Variants in ALG9 observed in about 807,000 individuals in gnomAD.
The protein encoded by ALG9 is ALG9 alpha-1,2-mannosyltransferase, also known as alpha-1,2-mannosyltransferase ALG9.
In ALG9, 55 loss-of-function variants were observed where a neutral mutation model predicts 81.8. The ratio of observed to expected loss-of-function variants is 0.67; its 90% confidence interval spans 0.54 to 0.84. ALG9 has a LOEUF of 0.84. ALG9 is among the 40% of genes least tolerant of loss of function. ALG9 has a pLI of 0.00. For missense variants in ALG9, 629 were observed against 745.0 expected (o/e 0.84, Z 1.81); for synonymous variants, 278 against 274.3 (o/e 1.01, Z -0.13).
chr11:111,824,329 A>C (rs1555106529), intron 13 of ALG9, among the ~76,000 whole-genome samples: 1 of 152,212 alleles, frequency 6.6e-6, no homozygotes, highest in Non-Finnish European at 1.5e-5. Flanking sequence ...AATTTTAGAG[A>C]ATTTCTACTT....
chr11:111,865,149 A>G, intron 4 of ALG9, 32 bp downstream of exon 4: 1 of 1,491,996 alleles, frequency 6.7e-7, no homozygotes, highest in Non-Finnish European at 9.0e-7. Flanking sequence ...GTTTCCTCAC[A>G]GCACTTTTAG....
At chr11:111,771,202 AG>A in the ALG9 span, 3 of 152,156 alleles carry the variant, frequency 2.0e-5, no homozygotes, top group Admixed American at 1.3e-4. Flanking sequence ...GAGGCCGAGG[AG>A]GGTGGATCAC....
Position 111,803,899 on chromosome 11 carries a change from G to T in ALG9, c.1733+5744C>A, listed in dbSNP as rs112348090. Among the ~76,000 whole-genome samples the T allele has an allele frequency of 1.1e-4, 17 of 152,156 alleles. No homozygotes were observed. The South Asian group carries it at 3.5e-3, about 32-fold the overall frequency. On this transcript the variant is annotated intron_variant, in intron 14 of 14. Transcript: ENST00000616540. ...TGTAATCTCAGCACTTTGGGAGAGC[G>T]AGTCGGGTGGATCACTTGCGGTCAG...
intron 8 of ALG9, among the ~76,000 whole-genome samples, chr11:111,852,505 C>T (rs1957985088): frequency 1.3e-5 from 2 of 152,190 alleles, no homozygotes. Context: ...AACTTCCCCA[C>T]CCTCCCATGC....
chr11:111,822,687 T>C (rs912170096), intron 13 of ALG9, among the ~76,000 whole-genome samples: 1 of 151,834 alleles, frequency 6.6e-6, no homozygotes, highest in Non-Finnish European at 1.5e-5. Flanking sequence ...CACTCCAGCC[T>C]GGGTGACAAT....
chr11:111,777,441 G>A (rs1945733840), downstream of ALG9, among the ~76,000 whole-genome samples: 1 of 152,134 alleles, frequency 6.6e-6, no homozygotes, highest in South Asian at 2.1e-4. Flanking sequence ...GGGAAAGGAG[G>A]GCTGAGATTT....
At chr11:111,768,102 T>C in the ALG9 span, among the ~76,000 whole-genome samples, 1 of 152,214 alleles carries the variant, frequency 6.6e-6, no homozygotes, top group Non-Finnish European at 1.5e-5. Flanking sequence ...AATGATACTT[T>C]CATGCACAAA....
At chr11:111,770,540 AAAAG>A in the ALG9 span, among the ~76,000 whole-genome samples, 8 of 152,000 alleles carry the variant, frequency 5.3e-5, no homozygotes, top group Non-Finnish European at 8.8e-5. Context: ...AAAAAAAAGA[AAAAG>A]AAAGAAAATA....
Position 111,871,001 on chromosome 11 carries a change from G to A in ALG9, c.131+351C>T, listed in dbSNP as rs371129231. 109 of 1,034,790 alleles carry A rather than the reference G, an allele frequency of 1.1e-4. 1 individual carries two copies. In the Middle Eastern group the frequency reaches 2.3e-3, roughly 22 times the overall value. The allele number at this position is 1,034,790 out of a possible 1,614,324, so 64.1% of individuals were successfully genotyped here. A position where few individuals can be genotyped will look rare whatever the true frequency, so the allele number is the denominator to read the frequency against. Reference sequence around the variant, plus strand: ...GGTTGGATGGGCCCAGTAAAGGGTCGGGACTTGAGGGAGAATAAAAGGAGC... The same window carrying A: ...GGTTGGATGGGCCCAGTAAAGGGTCAGGACTTGAGGGAGAATAAAAGGAGC... On this transcript the variant is annotated intron_variant, in intron 1 of 14. Coordinates refer to ENST00000616540, the MANE Select transcript of ALG9 (RefSeq NM_024740.2).
At chr11:111,864,536 C>A in intron 4 of ALG9, 1 of 639,696 alleles carries the variant, frequency 1.6e-6, no homozygotes. Flanking sequence ...AAATTTGAAG[C>A]CTGTACAAAA....
the ALG9 span, chr11:111,769,288 G>T: frequency 6.8e-6 from 1 of 148,024 alleles, no homozygotes; most frequent in Non-Finnish European, 1.5e-5. Context: ...TCCACCCTGG[G>T]TGAGAAAGCA....
chr11:111,847,644 C>T (rs928180846), intron 8 of ALG9, among the ~76,000 whole-genome samples: 4 of 152,142 alleles, frequency 2.6e-5, no homozygotes, highest in Admixed American at 1.3e-4. Flanking sequence ...CACTAAATTT[C>T]GCCTCTTGAT....
chr11:111,786,763 G>A (rs1365858209), intron 14 of ALG9, among the ~76,000 whole-genome samples: 3 of 152,072 alleles, frequency 2.0e-5, no homozygotes, highest in Non-Finnish European at 2.9e-5. Context: ...CTTCAGAATA[G>A]CTCTAGGTCT....
intron 14 of ALG9, among the ~76,000 whole-genome samples, chr11:111,787,700 C>T (rs1030194761): frequency 6.6e-5 from 10 of 151,744 alleles, no homozygotes; most frequent in African/African-American, 1.7e-4. Context: ...CCTCGTGATC[C>T]GCCTGCCTCA....
At position 111,812,937 on chromosome 11, in the gene ALG9, A is replaced by ATTAT. The variant is rs1431823245; in HGVS notation, c.1603-3165_1603-3164insATAA. ...TCTCAAAAAAAAAAAAAAAAAAGAA[A>ATTAT]TTAATACAGTGAGGAATAGATCAAC... On this transcript the variant is annotated intron_variant, in intron 13 of 14. Transcript: ENST00000616540. Among the ~76,000 whole-genome samples, 127 of 151,098 alleles carry ATTAT rather than the reference A, an allele frequency of 8.4e-4. 3 individuals carry two copies. Among genetic ancestry groups the ATTAT allele is most frequent in the Non-Finnish European group, 4.7e-4 (32 of 67,716 alleles).
chr11:111,787,989 G>A (rs1211229041), intron 14 of ALG9, among the ~76,000 whole-genome samples: 1 of 151,992 alleles, frequency 6.6e-6, no homozygotes, highest in Non-Finnish European at 1.5e-5. Flanking sequence ...TAGACTAACA[G>A]GATTTATCAT....
chr11:111,773,917 G>A, the ALG9 span, among the ~76,000 whole-genome samples: 1 of 151,032 alleles, frequency 6.6e-6, no homozygotes, highest in African/African-American at 2.4e-5. Flanking sequence ...ACCATGCCTG[G>A]CTAATTTTTG....
intron 14 of ALG9, among the ~76,000 whole-genome samples, chr11:111,800,297 G>A (rs971518539): frequency 2.0e-5 from 3 of 151,694 alleles, no homozygotes; most frequent in Admixed American, 1.3e-4. Flanking sequence ...TGGCTAACAT[G>A]GTAAAACCCT....
intron 5 of ALG9, among the ~76,000 whole-genome samples, chr11:111,860,002 G>C (rs1959480959): frequency 1.3e-5 from 2 of 152,056 alleles, no homozygotes; most frequent in Admixed American, 1.3e-4. Flanking sequence ...TCTAGAGTGA[G>C]GTTTTTATTC....
Sources: gnomAD v4.1 joint callset for allele counts (sites outside exome capture counted in the v4.1 genomes callset) on GRCh38, gnomAD v4.1.1 for gene constraint, MANE v1.5 for transcripts, NCBI Gene and HGNC (gene_info 2026-07-23, HGNC 2026-07-21) for gene names.